Variants in PRKCB observed in about 807,000 individuals in gnomAD.
PRKCB encodes the protein protein kinase C beta.
PRKCB carries 13 observed loss-of-function variants against 81.5 expected under a neutral mutation model. The observed-to-expected ratio is 0.16, with a 90% confidence interval of 0.10 to 0.25. The LOEUF (loss-of-function observed/expected upper bound fraction) is 0.25, where lower values mean the gene tolerates loss of function less well. Ranked by LOEUF, PRKCB falls within the 10% of genes least tolerant of loss-of-function variation. The pLI is 1.00. For synonymous variants in PRKCB, 335 were observed against 321.4 expected (o/e 1.04, Z -0.45); for missense variants, 509 against 875.7 (o/e 0.58, Z 5.29).
chr16:23,962,650 G>A lies in PRKCB; in HGVS notation c.206-25858G>A, dbSNP rs536383290. On this transcript the variant is annotated intron_variant, in intron 2 of 16. Transcript: ENST00000643927. ...TTGCCTGCCTTCCCCGTAAGGGCAG[G>A]GGCACATCTGTGTAATTCACCATTG... Among the ~76,000 whole-genome samples, 3 of 152,282 alleles carry A rather than the reference G, an allele frequency of 2.0e-5. 1 individual carries two copies. In the South Asian group the frequency reaches 6.2e-4, roughly 32 times the overall value.
intron 7 of PRKCB, among the ~76,000 whole-genome samples, chr16:24,100,862 G>A (rs1596547630): frequency 1.3e-5 from 2 of 152,254 alleles, no homozygotes; most frequent in Middle Eastern, 3.4e-3. Context: ...GGTAAGTGGG[G>A]GCTAGGGAAT....
At chr16:23,988,686 G>A (rs957811938) in intron 3 of PRKCB, 96 bp downstream of exon 3, 7 of 1,170,574 alleles carry the variant, frequency 6.0e-6, no homozygotes, top group Middle Eastern at 1.9e-4. Context: ...AAGTGTGGAC[G>A]ATCTCACTCT....
intron 2 of PRKCB, among the ~76,000 whole-genome samples, chr16:23,942,761 C>T (rs1447835242): frequency 2.6e-5 from 4 of 152,136 alleles, no homozygotes; most frequent in Non-Finnish European, 4.4e-5. Context: ...TGACTAGCTC[C>T]CTTGACTCTT....
chr16:23,849,428 C>G (rs915313089), intron 2 of PRKCB, among the ~76,000 whole-genome samples: 2 of 152,156 alleles, frequency 1.3e-5, no homozygotes, highest in African/African-American at 2.4e-5. Flanking sequence ...TTCTTTCCCT[C>G]CCTAAAGGTA....
At chr16:23,876,002 C>T (rs1057109424) in intron 2 of PRKCB, among the ~76,000 whole-genome samples, 1 of 152,162 alleles carries the variant, frequency 6.6e-6, no homozygotes, top group Non-Finnish European at 1.5e-5. Flanking sequence ...CTATATGCCT[C>T]ATTTTATGTG....
chr16:24,121,325 G>C (rs1212075562), intron 8 of PRKCB, among the ~76,000 whole-genome samples: 1 of 152,156 alleles, frequency 6.6e-6, no homozygotes, highest in African/African-American at 2.4e-5. Flanking sequence ...TGTATCCTCA[G>C]CACCTAGAGG....
Position 24,018,235 on chromosome 16 carries a change from G to A in PRKCB, c.289-13901G>A, listed in dbSNP as rs540843080. On this transcript the variant is annotated intron_variant, in intron 3 of 16. Coordinates refer to ENST00000643927, the MANE Select transcript of PRKCB (RefSeq NM_002738.7). Reference sequence around the variant, plus strand: ...AATTTTTAAATGTTTTGTAGAGATAGAGACAAGATATTACTATGTTGTCCA... The same window carrying A: ...AATTTTTAAATGTTTTGTAGAGATAAAGACAAGATATTACTATGTTGTCCA... Among the ~76,000 whole-genome samples the A allele has an allele frequency of 2.0e-5, 3 of 152,072 alleles. No homozygotes were observed. In the South Asian group the frequency reaches 6.2e-4, roughly 32 times the overall value.
intron 2 of PRKCB, among the ~76,000 whole-genome samples, chr16:23,967,989 A>G (rs1263905033): frequency 6.6e-6 from 1 of 152,022 alleles, no homozygotes; most frequent in African/African-American, 2.4e-5. Context: ...GTTTAAATTT[A>G]CATGTGGTTG....
chr16:23,941,097 G>A (rs527626493), intron 2 of PRKCB, among the ~76,000 whole-genome samples: 100 of 152,120 alleles, frequency 6.6e-4, no homozygotes, highest in Non-Finnish European at 9.4e-4. Flanking sequence ...TTTCTTACAG[G>A]ACTAGATAGT....
chr16:24,128,178 C>T (rs775069032), intron 9 of PRKCB, among the ~76,000 whole-genome samples: 1 of 151,946 alleles, frequency 6.6e-6, no homozygotes, highest in Non-Finnish European at 1.5e-5. Context: ...AGTTCGAGGC[C>T]AGCCTGGCCA....
intron 12 of PRKCB, among the ~76,000 whole-genome samples, chr16:24,176,818 C>T (rs978947822): frequency 4.6e-5 from 7 of 151,370 alleles, no homozygotes; most frequent in Admixed American, 2.0e-4. Flanking sequence ...TGCTTGAACC[C>T]GGGAGGCAGA....
chr16:24,165,156 T>G (rs1015276990), intron 10 of PRKCB, among the ~76,000 whole-genome samples: 1 of 152,230 alleles, frequency 6.6e-6, no homozygotes, highest in African/African-American at 2.4e-5. Flanking sequence ...TCCTCTCACC[T>G]GAGCCTCCTG....
At chr16:24,199,251 G>T (rs935725262) in intron 16 of PRKCB, among the ~76,000 whole-genome samples, 1 of 152,152 alleles carries the variant, frequency 6.6e-6, no homozygotes, top group African/African-American at 2.4e-5. Flanking sequence ...ACAGGACTTG[G>T]TTTCTCAGCA....
At chr16:24,214,411 C>T (rs531335458) in intron 16 of PRKCB, among the ~76,000 whole-genome samples, 15 of 152,078 alleles carry the variant, frequency 9.9e-5, no homozygotes, top group Non-Finnish European at 1.5e-4. Context: ...GCCAGAAGGA[C>T]ACCAGGAGCA....
intron 10 of PRKCB, among the ~76,000 whole-genome samples, chr16:24,155,860 C>T (rs1041022236): frequency 1.3e-5 from 2 of 152,148 alleles, no homozygotes; most frequent in Admixed American, 1.3e-4. Flanking sequence ...CTTGGGGCAC[C>T]TCAACATGTT....
intron 9 of PRKCB, among the ~76,000 whole-genome samples, chr16:24,129,844 T>A (rs1966850749): frequency 6.6e-6 from 1 of 152,238 alleles, no homozygotes; most frequent in African/African-American, 2.4e-5. Flanking sequence ...TTATGTAATA[T>A]ACTCATGGTC....
chr16:23,970,533 T>C (rs926277260), intron 2 of PRKCB, among the ~76,000 whole-genome samples: 27 of 152,366 alleles, frequency 1.8e-4, no homozygotes, highest in Non-Finnish European at 2.8e-4. Flanking sequence ...ACCCTCACTT[T>C]TTTTACTTTC....
At chr16:23,873,428 C>T (rs1246078870) in intron 2 of PRKCB, among the ~76,000 whole-genome samples, 4 of 151,944 alleles carry the variant, frequency 2.6e-5, no homozygotes, top group Admixed American at 6.6e-5. Context: ...ATCGGGAATG[C>T]AGGCAGCTGT....
chr16:24,184,840 C>A (rs1248529301), intron 13 of PRKCB, among the ~76,000 whole-genome samples: 1 of 152,134 alleles, frequency 6.6e-6, no homozygotes, highest in African/African-American at 2.4e-5. Flanking sequence ...GGAGTAAAGA[C>A]AGTTTTTCCT....
Sources: allele counts gnomAD v4.1 joint callset (sites outside exome capture counted in the v4.1 genomes callset), GRCh38; gene constraint gnomAD v4.1.1; transcripts MANE v1.5; gene names NCBI Gene and HGNC (gene_info 2026-07-23, HGNC 2026-07-21).